Variants in SLC22A24 observed in about 807,000 individuals in gnomAD.
SLC22A24 encodes steroid transmembrane transporter SLC22A24.
SLC22A24 carries 53 observed loss-of-function variants against 49.8 expected under a neutral mutation model. The ratio of observed to expected loss-of-function variants is 1.06; its 90% CI spans 0.85 to 1.34. The LOEUF (loss-of-function observed/expected upper bound fraction) is 1.34. SLC22A24 is among the 40% of genes most tolerant of loss of function. The pLI, the probability that SLC22A24 is intolerant of heterozygous loss-of-function variation, is 0.00. For synonymous variants in SLC22A24, 302 were observed against 256.4 expected (o/e 1.18, Z -1.70); for missense variants, 786 against 675.9 (o/e 1.16, Z -1.81).
chr11:63,121,900 T>A (rs1263182289), intron 2 of SLC22A24, among the ~76,000 whole-genome samples: 1 of 144,410 alleles, frequency 6.9e-6, no homozygotes, highest in East Asian at 1.9e-4. Flanking sequence ...TATCACACAC[T>A]TTTTTTAGCT....
At chr11:63,094,571 G>A (rs2087041420) in intron 6 of SLC22A24, among the ~76,000 whole-genome samples, 1 of 152,064 alleles carries the variant, frequency 6.6e-6, no homozygotes, top group South Asian at 2.1e-4. Flanking sequence ...CTTCCACAAT[G>A]GTTAAACTAG....
chr11:63,129,290 G>A (rs544878987), intron 2 of SLC22A24, among the ~76,000 whole-genome samples: 1 of 152,254 alleles, frequency 6.6e-6, no homozygotes, highest in African/African-American at 2.4e-5. Flanking sequence ...GGTCATAGAC[G>A]TGTGGTGTTA....
intron 2 of SLC22A24, among the ~76,000 whole-genome samples, chr11:63,131,246 G>A (rs2087333084): frequency 6.6e-6 from 1 of 151,970 alleles, no homozygotes; most frequent in South Asian, 2.1e-4. Context: ...GCCAGTCTGT[G>A]TCTTTTGATT....
In SLC22A24 at chr11:63,129,973, C is replaced by T. The variant is rs188244349; in HGVS notation, c.506+4692G>A. 2.0e-3 allele frequency among the ~76,000 whole-genome samples: 301 copies of T among 152,286 alleles called. 10 individuals carry two copies. Among genetic ancestry groups the T allele is most frequent in the Admixed American group, 0.019 (298 of 15,290 alleles). On this transcript the variant is annotated intron_variant, in intron 2 of 9. Coordinates refer to ENST00000612278, the MANE Select transcript of SLC22A24 (RefSeq NM_001136506.2). ...CTAACTGAACACCCTTTATTTCTTT[C>T]TCTTGCCTGATTGCCGTGGCCAGAA...
intron 2 of SLC22A24, among the ~76,000 whole-genome samples, chr11:63,125,793 T>A (rs2087286368): frequency 6.6e-6 from 1 of 152,220 alleles, no homozygotes; most frequent in African/African-American, 2.4e-5. Flanking sequence ...AGTGTTCTTA[T>A]TTCTCCACAT....
intron 6 of SLC22A24, among the ~76,000 whole-genome samples, chr11:63,087,753 G>A (rs150211619): frequency 7.9e-5 from 12 of 152,246 alleles, no homozygotes; most frequent in Non-Finnish European, 7.4e-5. Flanking sequence ...AGGGGTGTGC[G>A]CCATTCCTGA....
intron 5 of SLC22A24, 51 bp from the exon 6 acceptor site, chr11:63,096,157 C>T: frequency 8.4e-7 from 1 of 1,195,474 alleles, no homozygotes; most frequent in Non-Finnish European, 1.2e-6. Context: ...AATAATGTGT[C>T]AGGCATAGTG....
intron 1 of SLC22A24, among the ~76,000 whole-genome samples, chr11:63,141,855 G>A (rs2087417617): frequency 1.3e-5 from 2 of 152,158 alleles, no homozygotes; most frequent in Admixed American, 1.3e-4. Flanking sequence ...CTGTAAGTCA[G>A]TTCTATCATA....
intron 4 of SLC22A24, among the ~76,000 whole-genome samples, chr11:63,111,208 C>G (rs946036736): frequency 6.6e-6 from 1 of 151,800 alleles, no homozygotes; most frequent in Non-Finnish European, 1.5e-5. Context: ...CCCACTTGAT[C>G]ATGGTGGATA....
rs1318157810 is a variant in SLC22A24 at position 63,119,161 on chromosome 11, T to C, written c.661+20A>G. ...AATTCAAGACATGGAGATGATAAAA[T>C]GCTCAAATTATTGACTTACTGAGAA... On this transcript the variant is annotated intron_variant, in intron 3 of 9. Transcript: ENST00000612278. 6.5e-6 allele frequency: 10 copies of C among 1,529,164 alleles called. No homozygotes were observed. The highest frequency in any genetic ancestry group is 8.8e-6 in the Non-Finnish European group (10 of 1,136,382). 94.7% of individuals were successfully genotyped at this position (1,529,164 alleles called of 1,614,324 possible).
intron 1 of SLC22A24, among the ~76,000 whole-genome samples, chr11:63,136,148 G>A (rs933578893): frequency 6.6e-6 from 1 of 152,188 alleles, no homozygotes; most frequent in African/African-American, 2.4e-5. Context: ...ATTGTAATGT[G>A]TGATGAAAAG....
intron 6 of SLC22A24, among the ~76,000 whole-genome samples, chr11:63,086,470 G>T (rs2086987591): frequency 6.6e-6 from 1 of 152,186 alleles, no homozygotes; most frequent in Non-Finnish European, 1.5e-5. Context: ...TCACTTATGA[G>T]TGGGAGCTAA....
intron 1 of SLC22A24, among the ~76,000 whole-genome samples, chr11:63,135,958 C>G (rs1020161050): frequency 6.6e-6 from 1 of 152,104 alleles, no homozygotes; most frequent in African/African-American, 2.4e-5. Flanking sequence ...CTTACAACTA[C>G]GCAAGAAGTT....
intron 5 of SLC22A24, among the ~76,000 whole-genome samples, chr11:63,102,610 C>A (rs1268281532): frequency 2.0e-5 from 3 of 152,034 alleles, no homozygotes; most frequent in Non-Finnish European, 4.4e-5. Flanking sequence ...AGAGACAGTA[C>A]AAAATGAAAA....
chr11:63,127,749 A>G (rs1405162810), intron 2 of SLC22A24, among the ~76,000 whole-genome samples: 1 of 152,028 alleles, frequency 6.6e-6, no homozygotes, highest in Non-Finnish European at 1.5e-5. Flanking sequence ...ACATTTTTTC[A>G]TATGTCTGTT....
chr11:63,120,523 G>C (rs942200964), intron 2 of SLC22A24, among the ~76,000 whole-genome samples: 5 of 152,070 alleles, frequency 3.3e-5, no homozygotes, highest in Non-Finnish European at 2.9e-5. Flanking sequence ...GAAACTGGTA[G>C]AAAGTTTACA....
In SLC22A24 at chr11:63,084,821, T is replaced by G. The variant is rs548437383; in HGVS notation, c.1071-1364A>C. On this transcript the variant is annotated intron_variant, in intron 6 of 9. Transcript: ENST00000612278. ...TACCATATCAACCACCAAAGTCAGC[T>G]TGAACTGCAGAAACAGGTTCTCTAA... Among the ~76,000 whole-genome samples the G allele has an allele frequency of 2.3e-4, 35 of 152,332 alleles. No individual in the cohort carries two copies. In the South Asian group the frequency reaches 6.8e-3, roughly 30 times the overall value.
intron 5 of SLC22A24, among the ~76,000 whole-genome samples, chr11:63,102,302 G>T (rs753747108): frequency 6.6e-6 from 1 of 152,034 alleles, no homozygotes; most frequent in Non-Finnish European, 1.5e-5. Context: ...CCTAGAGATT[G>T]TTTCTTAAGA....
intron 6 of SLC22A24, among the ~76,000 whole-genome samples, chr11:63,090,847 A>T (rs1472153297): frequency 1.3e-5 from 2 of 152,000 alleles, no homozygotes; most frequent in Non-Finnish European, 2.9e-5. Context: ...TAAAACTGAC[A>T]TTCTAATATC....
Sources: gnomAD v4.1 joint callset for allele counts (sites outside exome capture counted in the v4.1 genomes callset) on GRCh38, gnomAD v4.1.1 for gene constraint, MANE v1.5 for transcripts, NCBI Gene and HGNC (gene_info 2026-07-23, HGNC 2026-07-21) for gene names.